Variants in TENM1 observed in about 807,000 individuals in gnomAD.
TENM1 encodes teneurin-1.
TENM1 carries 35 observed loss-of-function variants against 174.8 expected under a neutral mutation model. The observed-to-expected ratio is 0.20, with a 90% CI of 0.15 to 0.27. The LOEUF (loss-of-function observed/expected upper bound fraction) is 0.27. Among genes scored for constraint, TENM1 ranks in the 10% least tolerant of loss-of-function variants. The pLI is 1.00. For missense variants in TENM1, 1,633 were observed against 2,130.1 expected (o/e 0.77, Z 4.59); for synonymous variants, 781 against 798.7 (o/e 0.98, Z 0.37).
intron 26 of TENM1, among the ~76,000 whole-genome samples, 200 bp downstream of exon 29, chrX:124,406,117 C>T (rs2060459195): frequency 9.3e-6 from 1 of 107,953 alleles, no homozygotes; most frequent in Admixed American, 1.0e-4. Context: ...ATGACTCCCA[C>T]AGAGATGGGC....
At chrX:124,382,482 A>G (rs936864825) in intron 31 of TENM1, among the ~76,000 whole-genome samples, 188 bp downstream of exon 34, 9 of 111,125 alleles carry the variant, frequency 8.1e-5, no homozygotes, top group African/African-American at 2.9e-4. Flanking sequence ...TTTTTCCCCC[A>G]AAACTCCAAT....
intron 5 of TENM1, among the ~76,000 whole-genome samples, chrX:124,683,187 T>A (rs188369318): frequency 1.0e-3 from 116 of 111,657 alleles, no homozygotes; most frequent in Middle Eastern, 4.6e-3. Flanking sequence ...TTTGCCTCAA[T>A]CTCCTCATTT....
chrX:124,530,316 C>T (rs997982190), intron 15 of TENM1, among the ~76,000 whole-genome samples: 15 of 110,300 alleles, frequency 1.4e-4, no homozygotes, highest in Non-Finnish European at 2.3e-4. Context: ...TTAACCTACC[C>T]CTGATTTTCG....
At chrX:124,902,709 A>C (rs752818454) in intron 1 of TENM1, among the ~76,000 whole-genome samples, 19 of 112,866 alleles carry the variant, frequency 1.7e-4, no homozygotes, top group African/African-American at 6.1e-4. Flanking sequence ...AGTTCAAGTA[A>C]ATTTACTTAA....
chrX:124,954,560 T>G (rs1436725701), intron 1 of TENM1, among the ~76,000 whole-genome samples: 1 of 111,674 alleles, frequency 9.0e-6, no homozygotes, highest in African/African-American at 3.3e-5. Flanking sequence ...TCTGTGGTTT[T>G]GGCACTAAGT....
chrX:124,405,205 G>T, exon 27 of TENM1: 5 of 1,211,497 alleles, frequency 4.1e-6, no homozygotes, highest in Non-Finnish European at 5.6e-6. Flanking sequence ...TCTCCATCCC[G>T]CTGGCAAAAG....
chrX:125,006,239 A>C, the TENM1 span, among the ~76,000 whole-genome samples: 1 of 111,865 alleles, frequency 8.9e-6, no homozygotes, highest in Non-Finnish European at 1.9e-5. Flanking sequence ...GACAGTGCTA[A>C]GGAGACTGGG....
intron 14 of TENM1, among the ~76,000 whole-genome samples, chrX:124,548,370 A>G (rs947207538): frequency 2.7e-5 from 3 of 110,817 alleles, no homozygotes; most frequent in Non-Finnish European, 5.7e-5. Context: ...GCAGAGGTGA[A>G]GAGATAAAAA....
chrX:125,184,603 G>A, the TENM1 span, among the ~76,000 whole-genome samples: 1 of 111,527 alleles, frequency 9.0e-6, no homozygotes, highest in Non-Finnish European at 1.9e-5. Context: ...CCCTTAATGA[G>A]ATATTTGTGT....
At chrX:124,607,332 T>A (rs2050183073) in intron 11 of TENM1, among the ~76,000 whole-genome samples, 2 of 110,243 alleles carry the variant, frequency 1.8e-5, no homozygotes, top group Non-Finnish European at 3.8e-5. Context: ...TGCAGAGTAA[T>A]GAAAGGTGGG....
the TENM1 span, among the ~76,000 whole-genome samples, chrX:125,176,491 CA>C: frequency 9.0e-6 from 1 of 111,320 alleles, no homozygotes; most frequent in Admixed American, 9.6e-5. Context: ...CTCTCAGGGA[CA>C]AAAATCTTAA....
the TENM1 span, among the ~76,000 whole-genome samples, chrX:125,192,211 G>GA: frequency 1.8e-5 from 2 of 109,736 alleles, no homozygotes; most frequent in Non-Finnish European, 3.8e-5. Flanking sequence ...AAGGCCCTGA[G>GA]AAAAAAAAAG....
chrX:124,527,902 C>T (rs893369218), intron 16 of TENM1, among the ~76,000 whole-genome samples: 8 of 105,592 alleles, frequency 7.6e-5, no homozygotes, highest in Non-Finnish European at 1.5e-4. Context: ...ATGATCCGCC[C>T]GCCTCAGCCT....
the TENM1 span, among the ~76,000 whole-genome samples, chrX:125,155,893 C>A: frequency 8.9e-6 from 1 of 112,506 alleles, no homozygotes; most frequent in Admixed American, 9.2e-5. Flanking sequence ...TCGGCCAGCC[C>A]AGGAAGGGGC....
chrX:124,495,526 C>T (rs2047179373), intron 20 of TENM1, among the ~76,000 whole-genome samples: 1 of 109,903 alleles, frequency 9.1e-6, no homozygotes, highest in Non-Finnish European at 1.9e-5. Context: ...AATTAGATCC[C>T]ATTTGTCAAT....
chrX:124,886,816 G>A (rs1032117077), intron 3 of TENM1, among the ~76,000 whole-genome samples: 2 of 105,316 alleles, frequency 1.9e-5, no homozygotes, highest in East Asian at 5.9e-4. Flanking sequence ...GGGAAAGTGG[G>A]CAAAGTATGT....
chrX:124,577,420 C>T (rs1349232270), intron 11 of TENM1, among the ~76,000 whole-genome samples: 1 of 103,073 alleles, frequency 9.7e-6, no homozygotes, highest in East Asian at 3.1e-4. Flanking sequence ...CCAGAGTCAA[C>T]AAAATCCTCA....
chrX:124,393,943 G>A (rs2060308462), intron 27 of TENM1, among the ~76,000 whole-genome samples: 1 of 112,367 alleles, frequency 8.9e-6, no homozygotes, highest in Non-Finnish European at 1.9e-5. Flanking sequence ...ACAAACTTGT[G>A]CTAAGAATTA....
chrX:125,039,557 A>T, the TENM1 span, among the ~76,000 whole-genome samples: 65 of 109,626 alleles, frequency 5.9e-4, no homozygotes, highest in African/African-American at 2.1e-3. Flanking sequence ...CTAATGAATT[A>T]AAAAAAAGAC....
Sources: gnomAD v4.1 joint callset for allele counts (sites outside exome capture counted in the v4.1 genomes callset) on GRCh38, gnomAD v4.1.1 for gene constraint, MANE v1.5 for transcripts, NCBI Gene and HGNC (gene_info 2026-07-23, HGNC 2026-07-21) for gene names.